Variants in IKZF1 observed in about 807,000 individuals in gnomAD.
The protein encoded by IKZF1 is IKAROS family zinc finger 1.
A neutral mutation model predicts 51.7 loss-of-function variants in IKZF1; 10 were observed. The observed-to-expected ratio is 0.19, with a 90% CI of 0.12 to 0.33. IKZF1 has a LOEUF of 0.33. Ranked by LOEUF, IKZF1 falls within the 10% of genes least tolerant of loss-of-function variation. The pLI, the probability that IKZF1 is intolerant of heterozygous loss-of-function variation, is 1.00. For synonymous variants in IKZF1, 280 were observed against 282.3 expected (o/e 0.99, Z 0.08); for missense variants, 484 against 707.5 (o/e 0.68, Z 3.58).
At chr7:50,334,535 GTA>G (rs1421318490) in intron 3 of IKZF1, among the ~76,000 whole-genome samples, 1 of 151,398 alleles carries the variant, frequency 6.6e-6, no homozygotes, top group African/African-American at 2.4e-5. Flanking sequence ...TATGTGTAGT[GTA>G]TATGTGTATG....
intron 1 of IKZF1, among the ~76,000 whole-genome samples, chr7:50,317,291 A>T (rs1287119640): frequency 1.3e-5 from 2 of 152,248 alleles, no homozygotes; most frequent in Non-Finnish European, 2.9e-5. Flanking sequence ...GCGCTAAAAT[A>T]CTATACACAT....
chr7:50,337,701 A>G (rs934745885), intron 3 of IKZF1, among the ~76,000 whole-genome samples: 1 of 152,232 alleles, frequency 6.6e-6, no homozygotes, highest in Non-Finnish European at 1.5e-5. Context: ...AGGACAGTAG[A>G]GAGAACTTTC....
chr7:50,359,170 A>G lies in IKZF1; in HGVS notation c.161-17363A>G, dbSNP rs544758795. 5.9e-5 allele frequency among the ~76,000 whole-genome samples: 9 copies of G among 152,300 alleles called. No homozygotes were observed. In the South Asian group the frequency reaches 1.9e-3, roughly 32 times the overall value. On this transcript the variant is annotated intron_variant, in intron 3 of 7. Coordinates refer to ENST00000331340, the MANE Select transcript of IKZF1 (RefSeq NM_006060.6). ...CAGGCACTCGGGAGGCTGAGACAGGAGGATTGCTTGAGCCCAAGAGGTCAA... is the reference window on the plus strand; with the variant it reads ...CAGGCACTCGGGAGGCTGAGACAGGGGGATTGCTTGAGCCCAAGAGGTCAA...
chr7:50,364,584 A>G (rs1047920405), intron 3 of IKZF1, among the ~76,000 whole-genome samples: 2 of 152,386 alleles, frequency 1.3e-5, no homozygotes, highest in African/African-American at 2.4e-5. Context: ...TCTTATGACA[A>G]GCAAGAGGGT....
At position 50,343,761 on chromosome 7, in the gene IKZF1, G is replaced by A. The variant is rs146039903; in HGVS notation, c.160+16004G>A. On this transcript the variant is annotated intron_variant, in intron 3 of 7. Transcript: ENST00000331340. ...ACACATGCCTGGAAGACCTAACGTT[G>A]AGAATCCGCATTTTTTTCATCACTC... Among the ~76,000 whole-genome samples the A allele has an allele frequency of 3.9e-5, 6 of 152,366 alleles. No individual in the cohort carries two copies. The East Asian group carries it at 1.2e-3, about 29-fold the overall frequency.
At chr7:50,371,313 T>C (rs898273425) in intron 3 of IKZF1, among the ~76,000 whole-genome samples, 5 of 152,174 alleles carry the variant, frequency 3.3e-5, no homozygotes, top group Non-Finnish European at 7.3e-5. Flanking sequence ...GCTGGTGTCA[T>C]TGCCTTCTTC....
chr7:50,375,870 T>A (rs1221755362), intron 3 of IKZF1, among the ~76,000 whole-genome samples: 2 of 152,328 alleles, frequency 1.3e-5, no homozygotes, highest in East Asian at 3.9e-4. Context: ...GGTTTGTTTT[T>A]ATGTTATTTA....
chr7:50,397,199 GTGTA>G (rs1234879074), intron 7 of IKZF1, among the ~76,000 whole-genome samples: 2 of 152,060 alleles, frequency 1.3e-5, no homozygotes, highest in Non-Finnish European at 2.9e-5. Flanking sequence ...TAGTCTTTGA[GTGTA>G]TGTGTGTTCT....
intron 3 of IKZF1, among the ~76,000 whole-genome samples, chr7:50,372,486 C>G (rs977975696): frequency 1.2e-4 from 19 of 152,212 alleles, no homozygotes; most frequent in Non-Finnish European, 4.4e-5. Flanking sequence ...CAGCATCTGC[C>G]ATCTAACTTC....
intron 3 of IKZF1, among the ~76,000 whole-genome samples, chr7:50,348,227 G>A (rs553520225): frequency 5.3e-5 from 8 of 152,156 alleles, no homozygotes; most frequent in Non-Finnish European, 8.8e-5. Flanking sequence ...CATTTTTTAA[G>A]TTTGTCAGAA....
At chr7:50,345,467 A>T (rs983672949) in intron 3 of IKZF1, among the ~76,000 whole-genome samples, 2 of 152,198 alleles carry the variant, frequency 1.3e-5, no homozygotes, top group Non-Finnish European at 2.9e-5. Context: ...CTAGGTTTGG[A>T]GCTCAGGTTT....
chr7:50,398,359 C>T (rs931213909), intron 7 of IKZF1, among the ~76,000 whole-genome samples: 2 of 152,218 alleles, frequency 1.3e-5, no homozygotes, highest in African/African-American at 4.8e-5. Flanking sequence ...GCCTACCTCT[C>T]GAGCACTGCC....
chr7:50,339,090 A>C (rs1482095815), intron 3 of IKZF1, among the ~76,000 whole-genome samples: 1 of 152,190 alleles, frequency 6.6e-6, no homozygotes, highest in African/African-American at 2.4e-5. Flanking sequence ...TGAACGCTGC[A>C]AATCAAGGCT....
At chr7:50,303,901 G>T (rs1024452137), upstream of IKZF1, among the ~76,000 whole-genome samples, 17 of 145,526 alleles carry the variant, frequency 1.2e-4, no homozygotes, top group Middle Eastern at 3.5e-3. The surrounding 1 kb of genome is among the most constrained non-coding windows in gnomAD (Gnocchi z 4.7). Flanking sequence ...TTACGCGCGG[G>T]TCCCGCAGCG....
chr7:50,360,236 C>A (rs1469264084), intron 3 of IKZF1, among the ~76,000 whole-genome samples: 1 of 151,962 alleles, frequency 6.6e-6, no homozygotes, highest in Non-Finnish European at 1.5e-5. Context: ...AGGGCCTGGG[C>A]TTCTGGAATC....
chr7:50,334,575 G>A (rs1797184142), intron 3 of IKZF1, among the ~76,000 whole-genome samples: 2 of 150,718 alleles, frequency 1.3e-5, no homozygotes, highest in South Asian at 2.2e-4. Context: ...GGGTGTGTAT[G>A]TGTGTGGTGT....
At chr7:50,351,539 A>G (rs1801850869) in intron 3 of IKZF1, among the ~76,000 whole-genome samples, 1 of 152,222 alleles carries the variant, frequency 6.6e-6, no homozygotes, top group Non-Finnish European at 1.5e-5. Context: ...TCAAATCAAC[A>G]ATATCTTTGC....
rs1048782308 is a variant in IKZF1 at position 50,368,119 on chromosome 7, T to C, written c.161-8414T>C. ...AAAAGCATGCCTTCATCTCCTATCA[T>C]GTAAATATCGTACGTGCATGTTCCT... On this transcript the variant is annotated intron_variant, in intron 3 of 7. Coordinates refer to ENST00000331340, the MANE Select transcript of IKZF1 (RefSeq NM_006060.6). 7.1e-6 allele frequency: 5 copies of C among 703,516 alleles called. No homozygotes were observed. Among genetic ancestry groups the C allele is most frequent in the Admixed American group, 4.0e-5 (2 of 49,992 alleles). The allele number at this position is 703,516 out of a possible 1,614,324, so 43.6% of individuals were successfully genotyped here. A position where few individuals can be genotyped will look rare whatever the true frequency, so the allele number is the denominator to read the frequency against.
Position 50,357,030 on chromosome 7 carries a change from C to A in IKZF1, c.161-19503C>A, listed in dbSNP as rs79127943. ...GGATGACTGCACCCCTGACTGCCGA[C>A]TCACCGGGCTTCGGAGGGCCATGGG... On this transcript the variant is annotated intron_variant, in intron 3 of 7. Transcript: ENST00000331340. Among the ~76,000 whole-genome samples the A allele has an allele frequency of 2.3e-3, 350 of 152,008 alleles. 3 individuals carry two copies. Among genetic ancestry groups the A allele is most frequent in the African/African-American group, 8.0e-3 (331 of 41,450 alleles).
Sources: allele counts gnomAD v4.1 joint callset (sites outside exome capture counted in the v4.1 genomes callset), GRCh38; gene constraint gnomAD v4.1.1; non-coding constraint Gnocchi (gnomAD v3.1); transcripts MANE v1.5; gene names NCBI Gene and HGNC (gene_info 2026-07-23, HGNC 2026-07-21).